The following MLLT3 variants were observed in gnomAD, a reference collection of about 807,000 sequenced individuals.
MLLT3 encodes MLLT3 super elongation complex subunit.
In MLLT3, 4 loss-of-function variants were observed where a neutral mutation model predicts 53.2. The observed-to-expected ratio is 0.08, with a 90% confidence interval of 0.04 to 0.17. MLLT3 has a LOEUF of 0.17. Among genes scored for constraint, MLLT3 ranks in the 10% least tolerant of loss-of-function variants. MLLT3 has a pLI of 1.00. For missense variants in MLLT3, 569 were observed against 684.0 expected (o/e 0.83, Z 1.87); for synonymous variants, 283 against 230.6 (o/e 1.23, Z -2.06).
At chr9:20,429,322 T>G (rs1431206829) in intron 4 of MLLT3, among the ~76,000 whole-genome samples, 3 of 152,070 alleles carry the variant, frequency 2.0e-5, no homozygotes, top group African/African-American at 4.8e-5. Flanking sequence ...GAGCCATGAC[T>G]GCACCACTGC....
At chr9:20,617,129 A>G (rs146086037) in intron 2 of MLLT3, among the ~76,000 whole-genome samples, 1 of 152,322 alleles carries the variant, frequency 6.6e-6, no homozygotes, top group African/African-American at 2.4e-5. Flanking sequence ...CACTCGCTGA[A>G]TCTATCAGAA....
At chr9:20,567,619 A>G (rs571787361) in intron 2 of MLLT3, among the ~76,000 whole-genome samples, 10 of 152,326 alleles carry the variant, frequency 6.6e-5, no homozygotes, top group African/African-American at 2.2e-4. Context: ...TTGGCACAAG[A>G]AACTTTCCAC....
chr9:20,600,417 T>C (rs570656169), intron 2 of MLLT3, among the ~76,000 whole-genome samples: 143 of 152,328 alleles, frequency 9.4e-4, no homozygotes, highest in African/African-American at 3.1e-3. Context: ...ATCAATACTT[T>C]AGAAATACAA....
intron 10 of MLLT3, among the ~76,000 whole-genome samples, chr9:20,349,961 G>A (rs764176967): frequency 6.6e-6 from 1 of 152,212 alleles, no homozygotes; most frequent in Non-Finnish European, 1.5e-5. Context: ...GGAATTATTT[G>A]CCAAAGGGAA....
At chr9:20,442,360 T>C (rs913600315) in intron 4 of MLLT3, among the ~76,000 whole-genome samples, 5 of 152,188 alleles carry the variant, frequency 3.3e-5, no homozygotes, top group Non-Finnish European at 5.9e-5. Context: ...AATTCTACTC[T>C]AAGGAATTTA....
intron 2 of MLLT3, among the ~76,000 whole-genome samples, chr9:20,485,272 A>T (rs1200300117): frequency 6.6e-6 from 1 of 152,216 alleles, no homozygotes; most frequent in Non-Finnish European, 1.5e-5. Flanking sequence ...TACAGGCATA[A>T]GCCACCATGC....
At chr9:20,598,304 G>A (rs561210486) in intron 2 of MLLT3, among the ~76,000 whole-genome samples, 122 of 152,192 alleles carry the variant, frequency 8.0e-4, no homozygotes, top group Non-Finnish European at 1.2e-3. Flanking sequence ...AAAAAACTCC[G>A]TTCCTACCAA....
intron 8 of MLLT3, among the ~76,000 whole-genome samples, chr9:20,358,874 C>G (rs549303553): frequency 6.6e-6 from 1 of 152,096 alleles, no homozygotes; most frequent in Admixed American, 6.5e-5. Context: ...AAAATATCAT[C>G]GGCTGGGAGC....
intron 3 of MLLT3, among the ~76,000 whole-genome samples, chr9:20,450,648 T>C (rs1823815431): frequency 6.6e-6 from 1 of 152,216 alleles, no homozygotes; most frequent in Non-Finnish European, 1.5e-5. Flanking sequence ...GCCTAGTTAA[T>C]GCAAACTCAT....
intron 2 of MLLT3, among the ~76,000 whole-genome samples, chr9:20,522,100 C>G (rs1366995038): frequency 6.7e-6 from 1 of 149,180 alleles, no homozygotes. Flanking sequence ...TTTCTAGAGC[C>G]CAGAAACAAG....
chr9:20,604,938 A>G (rs1820524778), intron 2 of MLLT3, among the ~76,000 whole-genome samples: 1 of 152,020 alleles, frequency 6.6e-6, no homozygotes, highest in Non-Finnish European at 1.5e-5. Context: ...AATAACTTTT[A>G]AATACTGGCT....
intron 4 of MLLT3, among the ~76,000 whole-genome samples, chr9:20,429,010 G>A (rs867284227): frequency 2.6e-5 from 4 of 152,012 alleles, no homozygotes; most frequent in African/African-American, 9.7e-5. Flanking sequence ...AAGCCCACAG[G>A]GTTTTAGAAG....
At position 20,622,310 on chromosome 9, in the gene MLLT3, G is replaced by A; in HGVS notation, c.-54C>T. 9 of 1,472,534 alleles carry A rather than the reference G, an allele frequency of 6.1e-6. No individual in the cohort carries two copies. Among genetic ancestry groups the A allele is most frequent in the South Asian group, 1.3e-5 (1 of 75,460 alleles). 91.2% of individuals were successfully genotyped at this position (1,472,534 alleles called of 1,614,324 possible). A position where few individuals can be genotyped will look rare whatever the true frequency, so the allele number is the denominator to read the frequency against. On this transcript the variant is annotated 5_prime_UTR_variant, in exon 1 of 11. Transcript: ENST00000380338. ...GTTGTGTGGTACCCCCCCCTCCTCC[G>A]CCCCCCCTCAGCTGTAATTCATGAA...
intron 2 of MLLT3, among the ~76,000 whole-genome samples, chr9:20,515,615 T>C (rs1817892224): frequency 1.3e-5 from 2 of 152,216 alleles, no homozygotes; most frequent in Admixed American, 6.5e-5. Flanking sequence ...GTTTTTTGTT[T>C]TGTTTTTTCT....
chr9:20,608,805 T>A (rs561790878), intron 2 of MLLT3, among the ~76,000 whole-genome samples: 36 of 152,130 alleles, frequency 2.4e-4, no homozygotes, highest in Admixed American at 1.9e-3. Flanking sequence ...ATAATATGAG[T>A]CATTCAAGAA....
At chr9:20,606,663 C>A (rs568398975) in intron 2 of MLLT3, among the ~76,000 whole-genome samples, 1 of 152,166 alleles carries the variant, frequency 6.6e-6, no homozygotes, top group Non-Finnish European at 1.5e-5. Context: ...ACAGTTGATC[C>A]AATAAAGATC....
chr9:20,378,098 C>G (rs1272653231), intron 5 of MLLT3, among the ~76,000 whole-genome samples: 1 of 151,458 alleles, frequency 6.6e-6, no homozygotes, highest in Non-Finnish European at 1.5e-5. Flanking sequence ...ATAACAAGAC[C>G]TCTTTTCATA....
intron 5 of MLLT3, among the ~76,000 whole-genome samples, chr9:20,382,943 A>T (rs547039532): frequency 1.3e-5 from 2 of 151,868 alleles, no homozygotes; most frequent in South Asian, 4.2e-4. Context: ...AATAGCACAC[A>T]CTCCTATTCT....
intron 2 of MLLT3, among the ~76,000 whole-genome samples, chr9:20,589,163 T>C (rs1427966289): frequency 1.3e-5 from 2 of 149,104 alleles, no homozygotes; most frequent in African/African-American, 2.5e-5. Context: ...CTATTCACAA[T>C]AGCAAAGACT....
Sources: gnomAD v4.1 joint callset for allele counts (sites outside exome capture counted in the v4.1 genomes callset) on GRCh38, gnomAD v4.1.1 for gene constraint, MANE v1.5 for transcripts, NCBI Gene and HGNC (gene_info 2026-07-23, HGNC 2026-07-21) for gene names.